TMEFF2: variants seen among roughly 807,000 people sequenced by gnomAD.
TMEFF2 encodes tomoregulin-2.
A neutral mutation model predicts 53.8 loss-of-function variants in TMEFF2; 28 were observed. The observed-to-expected ratio is 0.52, with a 90% CI of 0.39 to 0.71. The LOEUF is 0.71. Ranked by LOEUF, TMEFF2 falls within the 30% of genes least tolerant of loss-of-function variation. TMEFF2 has a pLI of 0.00. For missense variants in TMEFF2, 353 were observed against 455.2 expected (o/e 0.78, Z 2.04); for synonymous variants, 162 against 166.3 (o/e 0.97, Z 0.20).
At chr2:192,193,498 C>A (rs976400710) in intron 1 of TMEFF2, among the ~76,000 whole-genome samples, 2 of 152,212 alleles carry the variant, frequency 1.3e-5, no homozygotes, top group African/African-American at 4.8e-5. Flanking sequence ...AGTGCCTGAC[C>A]CACTCCACAG....
intron 5 of TMEFF2, among the ~76,000 whole-genome samples, chr2:192,000,865 C>G (rs571827043): frequency 1.8e-4 from 27 of 152,318 alleles, no homozygotes; most frequent in African/African-American, 6.5e-4. Context: ...GCAACCATCT[C>G]TAAACACTTA....
intron 7 of TMEFF2, among the ~76,000 whole-genome samples, chr2:191,958,493 A>G (rs1157916485): frequency 6.6e-6 from 1 of 152,054 alleles, no homozygotes; most frequent in Non-Finnish European, 1.5e-5. Flanking sequence ...TTTTTAGTCT[A>G]TTTTATTTTT....
intron 4 of TMEFF2, among the ~76,000 whole-genome samples, chr2:192,164,030 C>CT: frequency 6.6e-6 from 1 of 152,266 alleles, no homozygotes; most frequent in South Asian, 2.1e-4. Flanking sequence ...CTATAATAAT[C>CT]TTTTTATTGC....
At chr2:192,162,888 A>C (rs897772371) in intron 4 of TMEFF2, among the ~76,000 whole-genome samples, 1 of 152,188 alleles carries the variant, frequency 6.6e-6, no homozygotes, top group African/African-American at 2.4e-5. Context: ...GAGTGAATTA[A>C]ATGGCTGTCA....
At chr2:192,060,195 GA>G (rs1688010852) in intron 4 of TMEFF2, among the ~76,000 whole-genome samples, 1 of 152,080 alleles carries the variant, frequency 6.6e-6, no homozygotes, top group Non-Finnish European at 1.5e-5. Flanking sequence ...CATCTGTCCA[GA>G]GCATCCTCCT....
In TMEFF2 at chr2:192,057,625, A is replaced by G. The variant is rs1288708007; in HGVS notation, c.536+54T>C. On this transcript the variant is annotated intron_variant, in intron 5 of 9. Transcript: ENST00000272771. ...TTGCAGAATGGTTGATGGTGTTAAA[A>G]AGAAATTAATCACTGTCATTATTTT... 4 of 1,455,136 alleles carry G rather than the reference A, an allele frequency of 2.7e-6. No homozygotes were observed. The African/African-American group carries it at 5.9e-5, about 22-fold the overall frequency. 90.1% of individuals were successfully genotyped at this position (1,455,136 alleles called of 1,614,324 possible).
chr2:192,075,308 T>TATATATATATATAAATATAA (rs1553518802), intron 4 of TMEFF2, among the ~76,000 whole-genome samples: 796 of 67,924 alleles, frequency 0.012, 29 homozygotes, highest in Middle Eastern at 0.021. Flanking sequence ...TATATATATA[T>TATATATATATATAAATATAA]ATATATATAT....
intron 7 of TMEFF2, among the ~76,000 whole-genome samples, chr2:191,979,245 A>C (rs982891400): frequency 3.3e-5 from 5 of 152,204 alleles, no homozygotes; most frequent in African/African-American, 1.2e-4. Context: ...TAAGTGTAGG[A>C]GACCTCACGA....
intron 5 of TMEFF2, among the ~76,000 whole-genome samples, chr2:191,999,709 A>G (rs1330658849): frequency 6.6e-6 from 1 of 152,014 alleles, no homozygotes; most frequent in Non-Finnish European, 1.5e-5. Flanking sequence ...ATAAATAAGG[A>G]CGCACATAAA....
intron 4 of TMEFF2, 74 bp from the exon 5 acceptor site, chr2:192,057,849 A>C: frequency 8.3e-7 from 1 of 1,205,192 alleles, no homozygotes; most frequent in Non-Finnish European, 1.2e-6. Flanking sequence ...ACAATTCTTT[A>C]ATTAAAGCTG....
At position 192,097,229 on chromosome 2, in the gene TMEFF2, A is replaced by G. The variant is rs149196135; in HGVS notation, c.440-39454T>C. 3.3e-5 allele frequency among the ~76,000 whole-genome samples: 5 copies of G among 152,342 alleles called. No individual in the cohort carries two copies. In the East Asian group the frequency reaches 9.6e-4, roughly 29 times the overall value. On this transcript the variant is annotated intron_variant, in intron 4 of 9. Transcript: ENST00000272771. ...TGTTTATTACAAGCATACTTACTAC[A>G]TTGTGCACAGCACGTTTTGCAAAGG...
intron 7 of TMEFF2, among the ~76,000 whole-genome samples, chr2:191,985,696 CATTT>C (rs1278209985): frequency 7.9e-5 from 12 of 152,146 alleles, no homozygotes; most frequent in African/African-American, 1.2e-4. Context: ...GAAAGTTATT[CATTT>C]GTTTCAATAC....
intron 5 of TMEFF2, among the ~76,000 whole-genome samples, chr2:192,051,241 T>TTTTC (rs71033657): frequency 6.6e-6 from 1 of 151,080 alleles, no homozygotes; most frequent in African/African-American, 2.4e-5. Context: ...TTTTTTTTTT[T>TTTTC]CATTGTCTCC....
chr2:192,068,862 C>T (rs1688222637), intron 4 of TMEFF2, among the ~76,000 whole-genome samples: 1 of 151,330 alleles, frequency 6.6e-6, no homozygotes, highest in Admixed American at 6.6e-5. Context: ...ATATAAAAAG[C>T]CAATTTTAAG....
chr2:192,194,532 T>G lies in TMEFF2; in HGVS notation c.-8A>C. On this transcript the variant is annotated 5_prime_UTR_variant, in exon 1 of 10. Coordinates refer to ENST00000272771, the MANE Select transcript of TMEFF2 (RefSeq NM_016192.4). This position sits in a 1 kb window ranked among gnomAD's most constrained non-coding sequence, Gnocchi z 4.2. ...GGACTCCCACAGCACCATGACTAGTTCGTGCAACTCTGCAGCAGCAAACGG... is the reference window on the plus strand; with the variant it reads ...GGACTCCCACAGCACCATGACTAGTGCGTGCAACTCTGCAGCAGCAAACGG... 1 of 1,610,874 alleles carries G rather than the reference T, an allele frequency of 6.2e-7. No homozygotes were observed.
chr2:192,079,504 G>A (rs182124162), intron 4 of TMEFF2, among the ~76,000 whole-genome samples: 164 of 152,292 alleles, frequency 1.1e-3, no homozygotes, highest in African/African-American at 3.5e-3. Context: ...CTGAGTGATC[G>A]TGTGGATCAA....
chr2:192,056,835 C>T (rs1021410285), intron 5 of TMEFF2, among the ~76,000 whole-genome samples: 1 of 152,060 alleles, frequency 6.6e-6, no homozygotes, highest in African/African-American at 2.4e-5. Flanking sequence ...CCTCCCTTGC[C>T]CTTTTTGCCA....
intron 5 of TMEFF2, among the ~76,000 whole-genome samples, chr2:192,026,534 C>A (rs1046639414): frequency 1.3e-5 from 2 of 152,172 alleles, no homozygotes; most frequent in Admixed American, 6.5e-5. Context: ...AATTAGCACA[C>A]ATCCTGTCCT....
chr2:191,969,854 A>C (rs73033566), intron 7 of TMEFF2, among the ~76,000 whole-genome samples: 2,997 of 152,258 alleles, frequency 0.02, 111 homozygotes, highest in African/African-American at 0.067. Flanking sequence ...AGTATTTCTG[A>C]AGGTGGGTTT....
Sources: gnomAD v4.1 joint callset for allele counts (sites outside exome capture counted in the v4.1 genomes callset) on GRCh38, gnomAD v4.1.1 for gene constraint, Gnocchi (gnomAD v3.1) non-coding constraint, MANE v1.5 for transcripts, NCBI Gene and HGNC (gene_info 2026-07-23, HGNC 2026-07-21) for gene names.